Variants in TSC22D1 observed in about 807,000 individuals in gnomAD.
The protein encoded by TSC22D1 is TSC22 domain family member 1, also known as TSC22 domain family protein 1.
TSC22D1 carries 9 observed loss-of-function variants against 74.2 expected under a neutral mutation model. That is an observed-to-expected ratio of 0.12 (90% CI 0.07 to 0.21). The LOEUF is 0.21. Among genes scored for constraint, TSC22D1 ranks in the 10% least tolerant of loss-of-function variants. The pLI, the probability that TSC22D1 is intolerant of heterozygous loss-of-function variation, is 1.00. For missense variants in TSC22D1, 1,427 were observed against 1,304.7 expected, an observed-to-expected ratio of 1.09 and a Z score of -1.44; for synonymous variants, 586 against 492.5, an observed-to-expected ratio of 1.19 and a Z score of -2.51.
intron 1 of TSC22D1, among the ~76,000 whole-genome samples, chr13:44,487,005 G>T (rs1469838286): frequency 6.6e-6 from 1 of 151,554 alleles, no homozygotes. Context: ...TATAAACTTA[G>T]GAAATGTAAA....
chr13:44,551,387 T>TGGGTGG (rs1555272485), intron 1 of TSC22D1, among the ~76,000 whole-genome samples: 1 of 85,196 alleles, frequency 1.2e-5, no homozygotes, highest in African/African-American at 4.9e-5. Flanking sequence ...CCCAATCAGA[T>TGGGTGG]GGGTGTGTGT....
At chr13:44,452,439 T>TGG (rs1202200819) in intron 1 of TSC22D1, among the ~76,000 whole-genome samples, 1 of 152,176 alleles carries the variant, frequency 6.6e-6, no homozygotes, top group East Asian at 1.9e-4. Flanking sequence ...CACCCTACAG[T>TGG]GGGCACGAGG....
At chr13:44,555,412 C>A (rs1882570837) in intron 1 of TSC22D1, among the ~76,000 whole-genome samples, 1 of 152,006 alleles carries the variant, frequency 6.6e-6, no homozygotes, top group South Asian at 2.1e-4. Context: ...AATTTGAGAC[C>A]AGACTGGCCA....
At chr13:44,468,004 A>G (rs1481495262) in intron 1 of TSC22D1, among the ~76,000 whole-genome samples, 1 of 151,542 alleles carries the variant, frequency 6.6e-6, no homozygotes, top group African/African-American at 2.4e-5. Flanking sequence ...ACACACGCGC[A>G]CACACACACA....
intron 2 of TSC22D1, chr13:44,435,683 A>G: frequency 3.5e-6 from 1 of 287,444 alleles, no homozygotes; most frequent in Non-Finnish European, 6.7e-6. Context: ...GCTCCCTAGT[A>G]AAATATTAGG....
intron 1 of TSC22D1, among the ~76,000 whole-genome samples, chr13:44,517,869 T>TA: frequency 1.0e-5 from 1 of 99,176 alleles, no homozygotes; most frequent in Non-Finnish European, 2.1e-5. Flanking sequence ...TTTTTTTTTT[T>TA]TTTTTTTTTT....
intron 1 of TSC22D1, among the ~76,000 whole-genome samples, chr13:44,572,336 G>A (rs1258077187): frequency 6.6e-6 from 1 of 152,126 alleles, no homozygotes. Flanking sequence ...ATGTACTTTA[G>A]GCTTTCTGTA....
intron 1 of TSC22D1, among the ~76,000 whole-genome samples, chr13:44,461,175 A>G (rs1394454950): frequency 6.6e-6 from 1 of 152,224 alleles, no homozygotes; most frequent in East Asian, 1.9e-4. Context: ...GTCTATTATC[A>G]TTGCATATAC....
chr13:44,452,337 G>A (rs1195151473), intron 1 of TSC22D1, among the ~76,000 whole-genome samples: 1 of 152,192 alleles, frequency 6.6e-6, no homozygotes. Context: ...TGAGGCGGTA[G>A]GTACCATTCT....
At chr13:44,551,394 GTGT>G (rs1566169571) in intron 1 of TSC22D1, among the ~76,000 whole-genome samples, 2,588 of 109,554 alleles carry the variant, frequency 0.024, 62 homozygotes, top group African/African-American at 0.057. Flanking sequence ...AGATGGGTGT[GTGT>G]GTGTGTGTGT....
chr13:44,500,308 T>TA (rs1199264146), intron 1 of TSC22D1, among the ~76,000 whole-genome samples: 4 of 152,210 alleles, frequency 2.6e-5, no homozygotes, highest in East Asian at 1.9e-4. Context: ...AGAAATCCTT[T>TA]AAAAAAACCT....
intron 1 of TSC22D1, among the ~76,000 whole-genome samples, chr13:44,453,679 A>T (rs745918399): frequency 1.4e-4 from 21 of 152,218 alleles, no homozygotes; most frequent in African/African-American, 5.1e-4. Flanking sequence ...CTATTTCTAG[A>T]CACCCCAGAA....
chr13:44,517,353 C>A (rs1880043912), intron 1 of TSC22D1, among the ~76,000 whole-genome samples: 1 of 151,872 alleles, frequency 6.6e-6, no homozygotes, highest in Admixed American at 6.6e-5. Context: ...CACACACACA[C>A]ACACACAAAT....
At chr13:44,533,066 A>G (rs1480813108) in intron 1 of TSC22D1, among the ~76,000 whole-genome samples, 2 of 152,124 alleles carry the variant, frequency 1.3e-5, no homozygotes, top group African/African-American at 2.4e-5. Context: ...TTGGATACCA[A>G]TTATCTTGCA....
intron 1 of TSC22D1, among the ~76,000 whole-genome samples, chr13:44,496,390 A>T (rs1039694860): frequency 6.6e-6 from 1 of 152,130 alleles, no homozygotes. Context: ...TTTTAAAAAA[A>T]TCAGTGGGGT....
chr13:44,549,097 C>A (rs1205648890), intron 1 of TSC22D1, among the ~76,000 whole-genome samples: 2 of 152,000 alleles, frequency 1.3e-5, no homozygotes, highest in Non-Finnish European at 2.9e-5. Flanking sequence ...CTGTGGCTGA[C>A]CTGAATTTTA....
intron 1 of TSC22D1, among the ~76,000 whole-genome samples, chr13:44,455,982 A>T (rs1035198054): frequency 3.3e-5 from 5 of 152,240 alleles, no homozygotes; most frequent in Non-Finnish European, 7.3e-5. Flanking sequence ...TAAAGAACTC[A>T]ATACTCAAAA....
At chr13:44,435,300 T>G (rs887369160) in intron 2 of TSC22D1, 1 of 162,734 alleles carries the variant, frequency 6.1e-6, no homozygotes, top group Non-Finnish European at 1.3e-5. Flanking sequence ...CTACCGAACA[T>G]GTTGCCGCAT....
rs1279933235 is a variant in TSC22D1, at chr13:44,539,519, TG to T, written c.2912+33643del. 5.1e-6 allele frequency: 5 copies of T among 985,320 alleles called. No individual in the cohort carries two copies. The African/African-American group carries it at 7.0e-5, about 14-fold the overall frequency. 61.0% of individuals were successfully genotyped at this position (985,320 alleles called of 1,614,324 possible). A position where few individuals can be genotyped will look rare whatever the true frequency, so the allele number is the denominator to read the frequency against. ...AGATATTCCCGTTTTAAAATTCCTG[TG>T]GACTACATAGGCATTCGTCAAATCA... On this transcript the variant is annotated intron_variant, in intron 1 of 2. Coordinates refer to ENST00000458659, the MANE Select transcript of TSC22D1 (RefSeq NM_183422.4).
Sources: allele counts gnomAD v4.1 joint callset (sites outside exome capture counted in the v4.1 genomes callset), GRCh38; gene constraint gnomAD v4.1.1; transcripts MANE v1.5; gene names NCBI Gene and HGNC (gene_info 2026-07-23, HGNC 2026-07-21).